Variants in RAI14 observed in about 807,000 individuals in gnomAD.
RAI14 encodes the protein ankycorbin.
In RAI14, 45 loss-of-function variants were observed where a neutral mutation model predicts 115.4. The ratio of observed to expected loss-of-function variants is 0.39; its 90% CI spans 0.31 to 0.50. The LOEUF (loss-of-function observed/expected upper bound fraction) is 0.50. Among genes scored for constraint, RAI14 ranks in the 20% least tolerant of loss-of-function variants. The pLI is 0.85. For missense variants in RAI14, 939 were observed against 1,131.2 expected, an observed-to-expected ratio of 0.83 and a Z score of 2.44; for synonymous variants, 371 against 415.4, an observed-to-expected ratio of 0.89 and a Z score of 1.30.
chr5:34,785,500 T>C (rs11956385), intron 3 of RAI14, among the ~76,000 whole-genome samples: 4,102 of 152,200 alleles, frequency 0.027, 195 homozygotes, highest in African/African-American at 0.093. Context: ...GGTTGTCCAT[T>C]GGGCCCTTCA....
At chr5:34,830,151 A>G (rs1333715290) in intron 17 of RAI14, among the ~76,000 whole-genome samples, 1 of 151,862 alleles carries the variant, frequency 6.6e-6, no homozygotes, top group Non-Finnish European at 1.5e-5. Context: ...TACCTGGCAA[A>G]TTTTTGTATT....
At chr5:34,718,789 C>T (rs1037984248) in intron 2 of RAI14, among the ~76,000 whole-genome samples, 7 of 152,168 alleles carry the variant, frequency 4.6e-5, no homozygotes, top group Non-Finnish European at 1.0e-4. Flanking sequence ...CCTATGAAGA[C>T]TTAACCTCCT....
intron 2 of RAI14, among the ~76,000 whole-genome samples, chr5:34,744,809 CA>C (rs1745956452): frequency 6.6e-6 from 1 of 152,224 alleles, no homozygotes; most frequent in Non-Finnish European, 1.5e-5. Flanking sequence ...TGTATTCTCT[CA>C]ACAGAAATGA....
chr5:34,671,938 G>A (rs928535594), intron 1 of RAI14, among the ~76,000 whole-genome samples: 4 of 151,904 alleles, frequency 2.6e-5, no homozygotes, highest in Admixed American at 6.6e-5. Context: ...CTGTAACCCC[G>A]CTCCACCTGA....
At chr5:34,765,871 T>G (rs111474154) in intron 3 of RAI14, among the ~76,000 whole-genome samples, 8,135 of 152,292 alleles carry the variant, frequency 0.053, 286 homozygotes, top group African/African-American at 0.099. Flanking sequence ...GCTGGGCCCA[T>G]GGTCCCTGTG....
chr5:34,690,470 C>G (rs1738438999), intron 2 of RAI14, among the ~76,000 whole-genome samples: 1 of 152,198 alleles, frequency 6.6e-6, no homozygotes, highest in African/African-American at 2.4e-5. Flanking sequence ...TTTGTGGCCA[C>G]TGTGAGCAAC....
chr5:34,787,926 T>C (rs960270575), intron 3 of RAI14, among the ~76,000 whole-genome samples: 1 of 111,712 alleles, frequency 9.0e-6, no homozygotes, highest in Admixed American at 9.0e-5. Context: ...TTTTTTTTTT[T>C]TTTTTTTGAG....
At chr5:34,718,285 G>A (rs1309257253) in intron 2 of RAI14, among the ~76,000 whole-genome samples, 1 of 152,224 alleles carries the variant, frequency 6.6e-6, no homozygotes, top group Non-Finnish European at 1.5e-5. Flanking sequence ...CAACTGATCA[G>A]GCATGAATGT....
intron 2 of RAI14, among the ~76,000 whole-genome samples, chr5:34,708,199 G>T (rs1740941662): frequency 6.8e-6 from 1 of 147,562 alleles, no homozygotes; most frequent in Non-Finnish European, 1.5e-5. Flanking sequence ...AGGGAACTTT[G>T]GGTTTTTGTT....
intron 2 of RAI14, among the ~76,000 whole-genome samples, chr5:34,693,766 A>C (rs1738914018): frequency 6.6e-6 from 1 of 152,172 alleles, no homozygotes; most frequent in Non-Finnish European, 1.5e-5. Flanking sequence ...CTAAATTGTG[A>C]AGCTTCAAAC....
intron 2 of RAI14, among the ~76,000 whole-genome samples, chr5:34,700,642 CAGT>C (rs1239474238): frequency 6.6e-6 from 1 of 152,218 alleles, no homozygotes; most frequent in Non-Finnish European, 1.5e-5. Context: ...AATAAAAGGT[CAGT>C]AGGGTTTTCT....
chr5:34,668,011 A>G (rs1199717315), intron 1 of RAI14, among the ~76,000 whole-genome samples: 1 of 152,224 alleles, frequency 6.6e-6, no homozygotes, highest in Non-Finnish European at 1.5e-5. Context: ...AGAGGCATAC[A>G]CAGTGGCCTC....
At chr5:34,706,395 G>A (rs1035790122) in intron 2 of RAI14, among the ~76,000 whole-genome samples, 1 of 152,052 alleles carries the variant, frequency 6.6e-6, no homozygotes, top group African/African-American at 2.4e-5. Flanking sequence ...TTCTTAAAAG[G>A]TAAATATAAA....
At chr5:34,780,012 C>G (rs769007793) in intron 3 of RAI14, among the ~76,000 whole-genome samples, 16 of 152,080 alleles carry the variant, frequency 1.1e-4, no homozygotes, top group Non-Finnish European at 2.4e-4. Flanking sequence ...AGTACTGGTA[C>G]CAAAACAAGA....
chr5:34,668,393 CAA>C (rs34952152), intron 1 of RAI14, among the ~76,000 whole-genome samples: 81 of 121,226 alleles, frequency 6.7e-4, no homozygotes, highest in Admixed American at 8.4e-4. Context: ...GACTCTGTCT[CAA>C]AAAAAAAAAA....
At chr5:34,749,025 G>A (rs1043506731) in intron 2 of RAI14, among the ~76,000 whole-genome samples, 2 of 152,162 alleles carry the variant, frequency 1.3e-5, no homozygotes, top group Non-Finnish European at 2.9e-5. Context: ...TGAGACTGAA[G>A]CTTGCCTGTT....
At chr5:34,742,877 C>T (rs185099628) in intron 2 of RAI14, among the ~76,000 whole-genome samples, 53 of 152,164 alleles carry the variant, frequency 3.5e-4, no homozygotes, top group Admixed American at 8.5e-4. Context: ...CTTGTCCAGG[C>T]GGTCTTGAAC....
chr5:34,729,684 A>T (rs1743937594), intron 2 of RAI14, among the ~76,000 whole-genome samples: 1 of 152,208 alleles, frequency 6.6e-6, no homozygotes, highest in Non-Finnish European at 1.5e-5. Context: ...CAGAATCAAG[A>T]GCATGAGCCA....
At chr5:34,779,251 C>A (rs557990928) in intron 3 of RAI14, among the ~76,000 whole-genome samples, 1 of 152,160 alleles carries the variant, frequency 6.6e-6, no homozygotes, top group Non-Finnish European at 1.5e-5. Flanking sequence ...TTATGACAAA[C>A]CCACAGCCAA....
Sources: gnomAD v4.1 joint callset for allele counts (sites outside exome capture counted in the v4.1 genomes callset) on GRCh38, gnomAD v4.1.1 for gene constraint, MANE v1.5 for transcripts, NCBI Gene and HGNC (gene_info 2026-07-23, HGNC 2026-07-21) for gene names.